The following DCAF12 variants were observed in gnomAD, a reference collection of about 807,000 sequenced individuals.
The protein encoded by DCAF12 is DDB1 and CUL4 associated factor 12, also known as DDB1- and CUL4-associated factor 12.
In DCAF12, 28 loss-of-function variants were observed where a neutral mutation model predicts 52.8. That is an observed-to-expected ratio of 0.53 (90% CI 0.39 to 0.73). DCAF12 has a LOEUF of 0.73. Ranked by LOEUF, DCAF12 falls within the 30% of genes least tolerant of loss-of-function variation. The probability of loss-of-function intolerance (pLI) is 0.00; values close to 1 mark genes in which losing one functional copy is unlikely to be tolerated. For missense variants in DCAF12, 425 were observed against 552.2 expected (o/e 0.77, Z 2.31); for synonymous variants, 196 against 215.5 (o/e 0.91, Z 0.79).
chr9:34,092,560 C>G (rs1828661023), intron 7 of DCAF12, among the ~76,000 whole-genome samples: 1 of 152,046 alleles, frequency 6.6e-6, no homozygotes, highest in Non-Finnish European at 1.5e-5. Flanking sequence ...GTGGTGTGTG[C>G]CTGTAGTCCC....
intron 6 of DCAF12, 32 bp from the exon 7 acceptor site, chr9:34,093,480 T>A (rs1265353569): frequency 6.2e-7 from 1 of 1,610,114 alleles, no homozygotes; most frequent in African/African-American, 1.3e-5. Flanking sequence ...AACCATGGCA[T>A]CAGCAGAGAG....
intron 2 of DCAF12, among the ~76,000 whole-genome samples, chr9:34,108,582 G>C (rs997259268): frequency 1.3e-5 from 2 of 152,066 alleles, no homozygotes; most frequent in Non-Finnish European, 2.9e-5. Context: ...ACCAGAGCTT[G>C]AGAGTTCGAG....
In DCAF12 at chr9:34,098,325, T is replaced by G. The variant is rs1828771282; in HGVS notation, c.794A>C (p.Lys265Thr). The G allele has an allele frequency of 6.2e-7, 1 of 1,613,676 alleles. No individual in the cohort carries two copies. The highest frequency in any genetic ancestry group is 1.3e-5 in the African/African-American group (1 of 74,926). ...AGGGATCCCTACACAAGTTCATACC[T>G]TGTTCTTGTTGTTGAAGGCCAGAGC... The part of the protein sequence containing the change: ...VRALAFNNKN[K>T]ELGAVSLDGY... The change falls in exon 5 of 9, where the codon AAG (lysine) becomes ACG (threonine). Residue 265 changes from lysine (K) to threonine (T), a missense_variant and splice_region_variant. By Grantham distance (78) the Lys-to-Thr change is moderately conservative (BLOSUM62 -1). Around this residue, in one of 3 missense-constraint regions of DCAF12, gnomAD observed 328 missense variants for 444.4 expected, o/e 0.74. Transcript: ENST00000361264.
At chr9:34,103,864 C>A (rs991934887) in intron 4 of DCAF12, among the ~76,000 whole-genome samples, 18 of 152,110 alleles carry the variant, frequency 1.2e-4, no homozygotes, top group African/African-American at 3.9e-4. Context: ...GTAACAACAA[C>A]AACGAAAATG....
intron 6 of DCAF12, among the ~76,000 whole-genome samples, chr9:34,095,372 C>CTT (rs36066422): frequency 0.012 from 926 of 78,148 alleles, 178 homozygotes; most frequent in Non-Finnish European, 0.015. Context: ...CGCGCCAGGC[C>CTT]TTTTTTTTTT....
In DCAF12 at chr9:34,126,557, C is replaced by G; in HGVS notation, c.-126G>C. The G allele has an allele frequency of 9.6e-7, 1 of 1,045,372 alleles. No homozygotes were observed. Among genetic ancestry groups the G allele is most frequent in the South Asian group, 1.7e-5 (1 of 60,518 alleles). The allele number at this position is 1,045,372 out of a possible 1,614,324, so 64.8% of individuals were successfully genotyped here. A position where few individuals can be genotyped will look rare whatever the true frequency, so the allele number is the denominator to read the frequency against. Reference sequence around the variant, plus strand: ...AGTGCGCCCGGCCCGGAAAATGGCCCGGACCCGGAGCGGCAGCAGAAAAAA... The same window carrying G: ...AGTGCGCCCGGCCCGGAAAATGGCCGGGACCCGGAGCGGCAGCAGAAAAAA... On this transcript the variant is annotated 5_prime_UTR_variant, in exon 1 of 9. Coordinates refer to ENST00000361264, the MANE Select transcript of DCAF12 (RefSeq NM_015397.4).
At chr9:34,089,629 G>A in intron 7 of DCAF12, 39 bp from the exon 8 acceptor site, 2 of 1,552,758 alleles carry the variant, frequency 1.3e-6, no homozygotes, top group East Asian at 2.3e-5. Flanking sequence ...AGGCGGGAGA[G>A]AATATTTGCT....
intron 7 of DCAF12, among the ~76,000 whole-genome samples, chr9:34,092,029 C>A (rs1269774589): frequency 6.6e-6 from 1 of 152,136 alleles, no homozygotes; most frequent in East Asian, 1.9e-4. Flanking sequence ...CTTCAAAGTA[C>A]ACTAAAATAA....
intron 4 of DCAF12, among the ~76,000 whole-genome samples, chr9:34,105,196 T>C (rs1828885689): frequency 6.6e-6 from 1 of 151,030 alleles, no homozygotes; most frequent in Non-Finnish European, 1.5e-5. Flanking sequence ...GAGGTTGTGG[T>C]GAGCCGAGGT....
intron 2 of DCAF12, among the ~76,000 whole-genome samples, chr9:34,123,186 A>C (rs1036217671): frequency 6.6e-6 from 1 of 152,192 alleles, no homozygotes; most frequent in Non-Finnish European, 1.5e-5. Context: ...GGGACATTCT[A>C]CATCAAAACT....
At chr9:34,105,755 C>CTT (rs34136603) in intron 4 of DCAF12, among the ~76,000 whole-genome samples, 40 of 143,606 alleles carry the variant, frequency 2.8e-4, no homozygotes, top group Middle Eastern at 3.6e-3. Context: ...TCTATCCATC[C>CTT]TTTTTTTTTT....
At chr9:34,114,457 G>A (rs1023007844) in intron 2 of DCAF12, among the ~76,000 whole-genome samples, 1 of 151,942 alleles carries the variant, frequency 6.6e-6, no homozygotes, top group African/African-American at 2.4e-5. Flanking sequence ...CCTCATTATT[G>A]CAAAGGAATG....
At chr9:34,090,363 A>G (rs2131424441) in intron 7 of DCAF12, among the ~76,000 whole-genome samples, 1 of 152,068 alleles carries the variant, frequency 6.6e-6, no homozygotes, top group South Asian at 2.1e-4. Flanking sequence ...CCCGGCCACA[A>G]TGCAAGAAGT....
chr9:34,113,964 C>T (rs112262010), intron 2 of DCAF12, among the ~76,000 whole-genome samples: 9,497 of 151,974 alleles, frequency 0.062, 417 homozygotes, highest in Non-Finnish European at 0.096. Context: ...AAAAATTAGC[C>T]GGGCGTGGTG....
intron 2 of DCAF12, among the ~76,000 whole-genome samples, chr9:34,113,141 C>T (rs985757254): frequency 2.0e-5 from 3 of 152,016 alleles, no homozygotes; most frequent in Non-Finnish European, 2.9e-5. Flanking sequence ...ACCTCTGCCT[C>T]CTGGGTACAA....
At chr9:34,104,931 G>C (rs1828881372) in intron 4 of DCAF12, among the ~76,000 whole-genome samples, 1 of 150,186 alleles carries the variant, frequency 6.7e-6, no homozygotes, top group South Asian at 2.1e-4. Flanking sequence ...AAAAAAAAAA[G>C]AAAGAATTTC....
At chr9:34,103,405 C>CAA (rs528124195) in intron 4 of DCAF12, among the ~76,000 whole-genome samples, 23 of 137,674 alleles carry the variant, frequency 1.7e-4, no homozygotes, top group South Asian at 2.3e-4. Context: ...GACTCCATCT[C>CAA]AAAAAAAAAA....
At chr9:34,107,275 C>T (rs1828917969) in intron 3 of DCAF12, 84 bp downstream of exon 3, 2 of 1,356,576 alleles carry the variant, frequency 1.5e-6, no homozygotes, top group Non-Finnish European at 2.1e-6. Context: ...CCACTCTGGG[C>T]TGATGAGAGG....
intron 2 of DCAF12, among the ~76,000 whole-genome samples, chr9:34,116,847 G>C (rs1262996533): frequency 4.6e-5 from 7 of 152,028 alleles, no homozygotes; most frequent in Non-Finnish European, 8.8e-5. Context: ...CGGGCACAGT[G>C]ACGGGTGTGT....
Sources: allele counts gnomAD v4.1 joint callset (sites outside exome capture counted in the v4.1 genomes callset), GRCh38; gene constraint gnomAD v4.1.1; regional missense constraint gnomAD v4.1.1; transcripts MANE v1.5; gene names NCBI Gene and HGNC (gene_info 2026-07-23, HGNC 2026-07-21).